Variants in PTPRT observed in about 807,000 individuals in gnomAD.
The protein encoded by PTPRT is receptor-type tyrosine-protein phosphatase T.
Under a neutral mutation model 176.8 loss-of-function variants are expected in PTPRT, and 56 were observed. The observed-to-expected ratio is 0.32, with a 90% CI of 0.26 to 0.40. The LOEUF (loss-of-function observed/expected upper bound fraction) is 0.40, where lower values mean the gene tolerates loss of function less well. PTPRT is among the 10% of genes least tolerant of loss of function. The pLI, the probability that PTPRT is intolerant of heterozygous loss-of-function variation, is 1.00. For missense variants in PTPRT, 1,540 were observed against 1,908.2 expected, an observed-to-expected ratio of 0.81 and a Z score of 3.60; for synonymous variants, 783 against 739.0, an observed-to-expected ratio of 1.06 and a Z score of -0.96.
intron 7 of PTPRT, among the ~76,000 whole-genome samples, chr20:42,599,591 G>A (rs2073739106): frequency 6.6e-6 from 1 of 152,096 alleles, no homozygotes; most frequent in East Asian, 1.9e-4. Context: ...ATGCTCATTT[G>A]CATTGGTTCC....
At chr20:42,589,471 A>G (rs769547938) in intron 7 of PTPRT, among the ~76,000 whole-genome samples, 2 of 152,222 alleles carry the variant, frequency 1.3e-5, no homozygotes, top group East Asian at 3.8e-4. Flanking sequence ...ATTTCAGCAG[A>G]AATACTTAAT....
At chr20:42,105,364 C>T (rs1307087095) in intron 24 of PTPRT, among the ~76,000 whole-genome samples, 4 of 152,200 alleles carry the variant, frequency 2.6e-5, no homozygotes, top group Non-Finnish European at 5.9e-5. Context: ...CTTTGTCTCA[C>T]GATCTGCTCC....
At chr20:42,708,910 T>G (rs867041341) in intron 6 of PTPRT, among the ~76,000 whole-genome samples, 32 of 152,254 alleles carry the variant, frequency 2.1e-4, no homozygotes, top group African/African-American at 7.7e-4. Flanking sequence ...AGAATTACAC[T>G]GTTAAAGGTC....
At chr20:42,692,674 T>G (rs2075810171) in intron 6 of PTPRT, among the ~76,000 whole-genome samples, 1 of 152,052 alleles carries the variant, frequency 6.6e-6, no homozygotes, top group African/African-American at 2.4e-5. Context: ...GAAAAAGAAA[T>G]AAAAGAAATA....
intron 1 of PTPRT, among the ~76,000 whole-genome samples, chr20:42,892,062 C>T (rs2079202482): frequency 6.6e-6 from 1 of 152,198 alleles, no homozygotes; most frequent in African/African-American, 2.4e-5. Context: ...CTATAGTTTG[C>T]CAACCCTTGC....
At chr20:42,873,512 A>AATTG (rs1227679029) in intron 2 of PTPRT, among the ~76,000 whole-genome samples, 3 of 152,220 alleles carry the variant, frequency 2.0e-5, no homozygotes, top group African/African-American at 7.2e-5. Context: ...CAATAGAAAC[A>AATTG]CAATGTGAGC....
At chr20:43,129,213 T>C (rs2013559220) in intron 1 of PTPRT, among the ~76,000 whole-genome samples, 2 of 152,170 alleles carry the variant, frequency 1.3e-5, no homozygotes, top group Non-Finnish European at 2.9e-5. Context: ...TTCCCCAGCA[T>C]TTCAAGTAGG....
chr20:42,624,791 T>C (rs2074260938), intron 7 of PTPRT, among the ~76,000 whole-genome samples: 1 of 152,210 alleles, frequency 6.6e-6, no homozygotes, highest in Non-Finnish European at 1.5e-5. Context: ...TAGCTATTTA[T>C]TTATTTATTC....
At chr20:43,058,607 T>C (rs1161311397) in intron 1 of PTPRT, among the ~76,000 whole-genome samples, 1 of 152,194 alleles carries the variant, frequency 6.6e-6, no homozygotes, top group Non-Finnish European at 1.5e-5. Flanking sequence ...CAATATGTCA[T>C]TAAGCAATAA....
At chr20:42,671,633 T>C (rs2075414709) in intron 7 of PTPRT, among the ~76,000 whole-genome samples, 1 of 152,174 alleles carries the variant, frequency 6.6e-6, no homozygotes, top group South Asian at 2.1e-4. Flanking sequence ...GATATAATTA[T>C]TCATAATCAT....
intron 1 of PTPRT, among the ~76,000 whole-genome samples, chr20:43,061,388 G>A (rs1382310256): frequency 6.6e-6 from 1 of 152,224 alleles, no homozygotes; most frequent in Non-Finnish European, 1.5e-5. Context: ...AGAACTCAAC[G>A]GTCTTGAGTA....
At chr20:42,270,379 C>CCCGGGGCGG (rs2146998979) in intron 13 of PTPRT, 1 of 1,541,626 alleles carries the variant, frequency 6.5e-7, no homozygotes, top group Non-Finnish European at 8.8e-7. Context: ...CCCACCCGCC[C>CCCGGGGCGG]AGGGCTCTGG....
chr20:42,302,369 C>T (rs1444782566), intron 12 of PTPRT, among the ~76,000 whole-genome samples: 1 of 152,196 alleles, frequency 6.6e-6, no homozygotes, highest in Non-Finnish European at 1.5e-5. Context: ...GGAACCAACA[C>T]CGGGATTGTC....
At chr20:43,091,090 C>T (rs2011827705) in intron 1 of PTPRT, among the ~76,000 whole-genome samples, 2 of 151,954 alleles carry the variant, frequency 1.3e-5, no homozygotes, top group South Asian at 4.2e-4. Flanking sequence ...AATAAGTAGC[C>T]GATGTGGTGG....
chr20:42,362,374 C>T (rs2058442681), intron 9 of PTPRT, among the ~76,000 whole-genome samples: 1 of 151,486 alleles, frequency 6.6e-6, no homozygotes, highest in Non-Finnish European at 1.5e-5. Context: ...GCCAAAAATG[C>T]ATAATCTCGA....
chr20:43,046,135 T>C (rs1986827247), intron 1 of PTPRT, among the ~76,000 whole-genome samples: 1 of 151,970 alleles, frequency 6.6e-6, no homozygotes, highest in Admixed American at 6.5e-5. Context: ...CAGAGAGCCA[T>C]GAGGGTAACA....
rs74857711 is a variant in PTPRT at position 42,521,434 on chromosome 20, G to C, written c.1154-48872C>G. Among the ~76,000 whole-genome samples the C allele has an allele frequency of 3.6e-3, 554 of 152,204 alleles. 6 individuals carry two copies. The highest frequency in any genetic ancestry group is 0.013 in the African/African-American group (527 of 41,558). On this transcript the variant is annotated intron_variant, in intron 7 of 30. Coordinates refer to ENST00000373187, the MANE Select transcript of PTPRT (RefSeq NM_007050.6). ...ATGACAGAAGTAATTTCAATACTAC[G>C]TCCATTTATTTGATTATTAAAACAA...
intron 1 of PTPRT, among the ~76,000 whole-genome samples, chr20:43,047,899 G>A (rs1013354421): frequency 9.2e-5 from 14 of 152,164 alleles, no homozygotes; most frequent in Admixed American, 5.9e-4. Flanking sequence ...ACCAATGTAA[G>A]TGGAATTTGA....
At chr20:42,567,391 C>T (rs2073060142) in intron 7 of PTPRT, among the ~76,000 whole-genome samples, 1 of 152,180 alleles carries the variant, frequency 6.6e-6, no homozygotes, top group African/African-American at 2.4e-5. Flanking sequence ...CCTACCCTAA[C>T]AAATGCACTT....
Sources: allele counts gnomAD v4.1 joint callset (sites outside exome capture counted in the v4.1 genomes callset), GRCh38; gene constraint gnomAD v4.1.1; transcripts MANE v1.5; gene names NCBI Gene and HGNC (gene_info 2026-07-23, HGNC 2026-07-21).